Variants in MAP3K5 observed in about 807,000 individuals in gnomAD.
The protein encoded by MAP3K5 is ASK-1.
MAP3K5 carries 56 observed loss-of-function variants against 158.7 expected under a neutral mutation model. That is an observed-to-expected ratio of 0.35 (90% CI 0.28 to 0.44). The LOEUF (loss-of-function observed/expected upper bound fraction) is 0.44, where lower values mean the gene tolerates loss of function less well. Among genes scored for constraint, MAP3K5 ranks in the 20% least tolerant of loss-of-function variants. The pLI, the probability that MAP3K5 is intolerant of heterozygous loss-of-function variation, is 1.00. For synonymous variants in MAP3K5, 579 were observed against 601.7 expected, an observed-to-expected ratio of 0.96 and a Z score of 0.55; for missense variants, 1,294 against 1,674.8, an observed-to-expected ratio of 0.77 and a Z score of 3.97.
chr6:136,642,114 T>C (rs111737408), intron 12 of MAP3K5, among the ~76,000 whole-genome samples: 2,725 of 151,660 alleles, frequency 0.018, 80 homozygotes, highest in African/African-American at 0.063. Flanking sequence ...GGACACAGTG[T>C]AGTAGACGGC....
Position 136,642,464 on chromosome 6 carries a change from A to G in MAP3K5, c.1838+56T>C. 2.5e-6 allele frequency: 3 copies of G among 1,182,732 alleles called. No homozygotes were observed. The South Asian group carries it at 3.7e-5, about 15-fold the overall frequency. The allele number at this position is 1,182,732 out of a possible 1,614,324, so 73.3% of individuals were successfully genotyped here. A position where few individuals can be genotyped will look rare whatever the true frequency, so the allele number is the denominator to read the frequency against. ...CATGATTAGAAGTTCTATCCAGCCC[A>G]TGAATAGTGGAGAAAAATGTCTTAT... On this transcript the variant is annotated intron_variant, in intron 12 of 29. Transcript: ENST00000359015.
intron 19 of MAP3K5, among the ~76,000 whole-genome samples, chr6:136,603,235 C>T (rs576250114): frequency 2.5e-4 from 37 of 149,986 alleles, no homozygotes; most frequent in Admixed American, 1.6e-3. Context: ...TGCAGTGGTG[C>T]GATCTTGACT....
chr6:136,691,546 G>GGTTGCAGAT (rs1014046448), intron 7 of MAP3K5, among the ~76,000 whole-genome samples: 3 of 151,878 alleles, frequency 2.0e-5, no homozygotes, highest in African/African-American at 4.8e-5. Flanking sequence ...CGGAGGCAGA[G>GGTTGCAGAT]GTTGCAGTGA....
chr6:136,563,507 C>T (rs953235316), intron 26 of MAP3K5, among the ~76,000 whole-genome samples: 1 of 152,044 alleles, frequency 6.6e-6, no homozygotes, highest in South Asian at 2.1e-4. Context: ...TACTATTATT[C>T]CTCTTCCTTC....
At chr6:136,757,588 T>A (rs1322466302) in intron 1 of MAP3K5, among the ~76,000 whole-genome samples, 4 of 137,820 alleles carry the variant, frequency 2.9e-5, no homozygotes, top group African/African-American at 1.1e-4. Flanking sequence ...TATTTTTTAT[T>A]TTTTTTTTTT....
intron 23 of MAP3K5, among the ~76,000 whole-genome samples, chr6:136,589,862 AT>A (rs1361890392): frequency 6.6e-6 from 1 of 152,050 alleles, no homozygotes; most frequent in African/African-American, 2.4e-5. Context: ...GAGAAAATAC[AT>A]TTCTGTTGTG....
intron 7 of MAP3K5, among the ~76,000 whole-genome samples, chr6:136,692,683 C>T (rs1780437367): frequency 6.6e-6 from 1 of 152,216 alleles, no homozygotes; most frequent in Non-Finnish European, 1.5e-5. Flanking sequence ...AGCCAATTTT[C>T]ATGTAGACCA....
rs1776869517 is a variant in MAP3K5, at chr6:136,622,842, C to T, written c.2150+6G>A. ...GAACAGCTTTTAGTAGCTACAATTA[C>T]TGTACCTGCTGTCTCTCTCTGGGAT... On this transcript the variant is annotated splice_donor_region_variant and intron_variant, in intron 15 of 29. Transcript: ENST00000359015. The T allele has an allele frequency of 6.2e-7, 1 of 1,610,386 alleles. No homozygotes were observed. Among genetic ancestry groups the T allele is most frequent in the African/African-American group, 1.3e-5 (1 of 74,766 alleles).
At chr6:136,791,099 A>G (rs574519167) in intron 1 of MAP3K5, among the ~76,000 whole-genome samples, 30 of 152,332 alleles carry the variant, frequency 2.0e-4, no homozygotes, top group Admixed American at 1.6e-3. Context: ...GATAACACAC[A>G]AGTTCAGTGT....
Position 136,611,400 on chromosome 6 carries a change from G to A in MAP3K5, c.2416-13C>T. The A allele has an allele frequency of 7.0e-7, 1 of 1,437,336 alleles. No homozygotes were observed. The highest frequency in any genetic ancestry group is 1.2e-5 in the South Asian group (1 of 86,476). The allele number at this position is 1,437,336 out of a possible 1,614,324, so 89.0% of individuals were successfully genotyped here. On this transcript the variant is annotated splice_polypyrimidine_tract_variant and intron_variant, in intron 17 of 29. Coordinates refer to ENST00000359015, the MANE Select transcript of MAP3K5 (RefSeq NM_005923.4). ...ACACATTGTCACCCTAGAGAACAGA[G>A]GACTTTAATCACAATTGTTATCTTT...
intron 11 of MAP3K5, among the ~76,000 whole-genome samples, chr6:136,650,453 T>C (rs1161303020): frequency 1.3e-5 from 2 of 152,238 alleles, no homozygotes; most frequent in Non-Finnish European, 2.9e-5. Context: ...TGAGACTGTT[T>C]TAAGATCTTT....
intron 1 of MAP3K5, among the ~76,000 whole-genome samples, chr6:136,745,624 T>C (rs1782905751): frequency 6.6e-6 from 1 of 152,126 alleles, no homozygotes; most frequent in South Asian, 2.1e-4. Context: ...GGGTGGACTC[T>C]AAAAATAAAA....
chr6:136,576,017 C>T (rs914818798), intron 25 of MAP3K5, among the ~76,000 whole-genome samples: 6 of 152,176 alleles, frequency 3.9e-5, no homozygotes, highest in African/African-American at 1.4e-4. Context: ...TGTTTGCCTA[C>T]TGGTGATTTT....
At chr6:136,695,344 G>A (rs535960919) in intron 6 of MAP3K5, among the ~76,000 whole-genome samples, 43 of 152,200 alleles carry the variant, frequency 2.8e-4, no homozygotes, top group African/African-American at 1.0e-3. Flanking sequence ...TCACCGTGTT[G>A]CCCAGGCTGC....
intron 1 of MAP3K5, among the ~76,000 whole-genome samples, chr6:136,739,960 A>C (rs1281040071): frequency 6.6e-6 from 1 of 151,992 alleles, no homozygotes; most frequent in Non-Finnish European, 1.5e-5. Context: ...CTGCCAAGAA[A>C]CTCAGCAGGA....
At chr6:136,789,564 T>C (rs1255061363) in intron 1 of MAP3K5, among the ~76,000 whole-genome samples, 1 of 151,752 alleles carries the variant, frequency 6.6e-6, no homozygotes, top group African/African-American at 2.4e-5. Flanking sequence ...CCTAAATGCC[T>C]GGTAAGATCT....
At chr6:136,693,597 A>G (rs926209863) in intron 7 of MAP3K5, among the ~76,000 whole-genome samples, 1 of 151,714 alleles carries the variant, frequency 6.6e-6, no homozygotes, top group Non-Finnish European at 1.5e-5. Flanking sequence ...CTTATTTAAA[A>G]TATCTTTTTA....
chr6:136,660,946 G>A (rs1000244965), intron 8 of MAP3K5, among the ~76,000 whole-genome samples: 3 of 149,942 alleles, frequency 2.0e-5, no homozygotes, highest in African/African-American at 7.5e-5. Context: ...ACACAAAACA[G>A]CTTTTTTTTT....
chr6:136,603,339 ATT>A (rs746959147), intron 19 of MAP3K5, among the ~76,000 whole-genome samples: 27 of 132,874 alleles, frequency 2.0e-4, no homozygotes, highest in Non-Finnish European at 2.5e-4. Flanking sequence ...TGCCCCCCTA[ATT>A]TTTTTTTTTT....
Sources: allele counts gnomAD v4.1 joint callset (sites outside exome capture counted in the v4.1 genomes callset), GRCh38; gene constraint gnomAD v4.1.1; transcripts MANE v1.5; gene names NCBI Gene and HGNC (gene_info 2026-07-23, HGNC 2026-07-21).